Variants in ABCA9 observed in about 807,000 individuals in gnomAD.
ABCA9 encodes ATP-binding cassette sub-family A member 9.
ABCA9 carries 183 observed loss-of-function variants against 205.3 expected under a neutral mutation model. The ratio of observed to expected loss-of-function variants is 0.89; its 90% CI spans 0.79 to 1.01. ABCA9 has a LOEUF of 1.01. ABCA9 is among the 50% of genes least tolerant of loss of function. The pLI, the probability that ABCA9 is intolerant of heterozygous loss-of-function variation, is 0.00. For synonymous variants in ABCA9, 651 were observed against 683.3 expected, an observed-to-expected ratio of 0.95 and a Z score of 0.74; for missense variants, 1,805 against 1,912.4, an observed-to-expected ratio of 0.94 and a Z score of 1.05.
chr17:69,044,656 A>G, intron 4 of ABCA9, 56 bp from the exon 5 acceptor site: 1 of 1,521,916 alleles, frequency 6.6e-7, no homozygotes, highest in Non-Finnish European at 9.0e-7. Context: ...GGCTACAGAA[A>G]AAAACAAAAT....
Position 69,020,825 on chromosome 17 carries a change from T to G in ABCA9, c.2402-239A>C, listed in dbSNP as rs575551636. 405 of 423,088 alleles carry G rather than the reference T, an allele frequency of 9.6e-4. 3 individuals carry two copies. The highest frequency in any genetic ancestry group is 7.8e-3 in the African/African-American group (385 of 49,318). 26.2% of individuals were successfully genotyped at this position (423,088 alleles called of 1,614,324 possible). ...TTTTAAACGTCCTCTGTCTGCAGCT[T>G]TATAGGACTTTATTTATTCTAAGGA... On this transcript the variant is annotated intron_variant, in intron 18 of 38. Coordinates refer to ENST00000340001, the MANE Select transcript of ABCA9 (RefSeq NM_080283.4).
chr17:68,979,371 T>A (rs1231920822), intron 37 of ABCA9, among the ~76,000 whole-genome samples: 1 of 152,198 alleles, frequency 6.6e-6, no homozygotes, highest in Non-Finnish European at 1.5e-5. Flanking sequence ...AGGTAATTTA[T>A]AGATTCAATG....
chr17:69,068,900 G>A, the ABCA9 span, among the ~76,000 whole-genome samples: 1 of 152,156 alleles, frequency 6.6e-6, no homozygotes, highest in Non-Finnish European at 1.5e-5. Context: ...TGGGAGGAGA[G>A]AGCCATGATC....
chr17:69,033,852 C>T lies in ABCA9; in HGVS notation c.1150G>A (p.Val384Met). The T allele has an allele frequency of 1.2e-6, 2 of 1,602,200 alleles. No individual in the cohort carries two copies. Among genetic ancestry groups the T allele is most frequent in the Non-Finnish European group, 8.5e-7 (1 of 1,171,354 alleles). ...MAQLIHLDYD[V>M]NSNAHLDSSQ... Reference sequence around the variant, plus strand: ...GAATCCAAGTGGGCATTAGAATTCACATCATAGTCCAAATGTATAAGCTGA... The same window carrying T: ...GAATCCAAGTGGGCATTAGAATTCATATCATAGTCCAAATGTATAAGCTGA... Residue 384 changes from valine (V) to methionine (M), a missense_variant, in exon 9 of 39, where the codon GTG (valine) becomes ATG (methionine). Val to Met is a conservative substitution (Grantham distance 21, BLOSUM62 1). Transcript: ENST00000340001.
chr17:68,984,272 C>A lies in ABCA9; in HGVS notation c.4380-97G>T, dbSNP rs564948649. On this transcript the variant is annotated intron_variant, in intron 34 of 38. Transcript: ENST00000340001. ...TCCATCGACGCAAAGATGAAACATG[C>A]AGCGAATTCAGACTAGACAAAAAAG... The A allele has an allele frequency of 2.0e-5, 30 of 1,525,492 alleles. No individual in the cohort carries two copies. The East Asian group carries it at 6.5e-4, about 33-fold the overall frequency. The allele number at this position is 1,525,492 out of a possible 1,614,324, so 94.5% of individuals were successfully genotyped here.
chr17:69,072,661 C>T, the ABCA9 span, among the ~76,000 whole-genome samples: 1 of 151,658 alleles, frequency 6.6e-6, no homozygotes, highest in African/African-American at 2.4e-5. Context: ...AATGTAAAGA[C>T]CATCAACACT....
chr17:69,036,441 G>C (rs955844717), intron 6 of ABCA9, among the ~76,000 whole-genome samples: 2 of 152,026 alleles, frequency 1.3e-5, no homozygotes, highest in Non-Finnish European at 2.9e-5. Context: ...AGCTTCATAA[G>C]TGAAGGAGAA....
chr17:69,017,901 G>C (rs2070678999), intron 20 of ABCA9, 112 bp from the exon 21 acceptor site: 1 of 1,239,046 alleles, frequency 8.1e-7, no homozygotes, highest in East Asian at 2.4e-5. Flanking sequence ...ACTGTCTAAG[G>C]CTTTTCTTAA....
rs1351472500 is a variant in ABCA9, at chr17:68,975,250, T to G, written c.*665A>C. 2 of 152,326 alleles carry G rather than the reference T, an allele frequency of 1.3e-5. No homozygotes were observed. Among genetic ancestry groups the G allele is most frequent in the Non-Finnish European group, 2.9e-5 (2 of 68,140 alleles). The allele number at this position is 152,326 out of a possible 1,614,324, so 9.4% of individuals were successfully genotyped here. On this transcript the variant is annotated 3_prime_UTR_variant, in exon 39 of 39. Coordinates refer to ENST00000340001, the MANE Select transcript of ABCA9 (RefSeq NM_080283.4). Reference sequence around the variant, plus strand: ...TGTCACGTTTTCTTTATCCGGTCTATCATTTGTGGGTATTTTGGTTGGTTC... The same window carrying G: ...TGTCACGTTTTCTTTATCCGGTCTAGCATTTGTGGGTATTTTGGTTGGTTC...
Position 68,975,211 on chromosome 17 carries a change from C to G in ABCA9, c.*704G>C, listed in dbSNP as rs370008140. 2 of 152,270 alleles carry G rather than the reference C, an allele frequency of 1.3e-5. No individual in the cohort carries two copies. The highest frequency in any genetic ancestry group is 2.1e-4 in the South Asian group (1 of 4,830). The allele number at this position is 152,270 out of a possible 1,614,324, so 9.4% of individuals were successfully genotyped here. A position where few individuals can be genotyped will look rare whatever the true frequency, so the allele number is the denominator to read the frequency against. On this transcript the variant is annotated 3_prime_UTR_variant, in exon 39 of 39. Transcript: ENST00000340001. The stretch of plus-strand genomic sequence containing the variant: ...TCCTTTTCTATGGCTGCATAGTATT[C>G]CATGGTGTATATGTGTCACGTTTTC...
At chr17:69,068,215 A>G in the ABCA9 span, among the ~76,000 whole-genome samples, 2 of 152,204 alleles carry the variant, frequency 1.3e-5, no homozygotes, top group Non-Finnish European at 2.9e-5. Flanking sequence ...TTTCCAATAT[A>G]CAATCATTAT....
chr17:69,076,003 C>A, the ABCA9 span, among the ~76,000 whole-genome samples: 1 of 151,938 alleles, frequency 6.6e-6, no homozygotes, highest in Non-Finnish European at 1.5e-5. Context: ...TATTTGGATA[C>A]TTTCTATTTC....
upstream of ABCA9, among the ~76,000 whole-genome samples, chr17:69,065,866 A>G (rs1343326232): frequency 1.3e-5 from 2 of 152,090 alleles, no homozygotes; most frequent in East Asian, 3.9e-4. Flanking sequence ...TGTTCTTGTG[A>G]TAGAGAGTGA....
chr17:68,979,043 G>A (rs1332175782), intron 37 of ABCA9, among the ~76,000 whole-genome samples: 10 of 152,148 alleles, frequency 6.6e-5, no homozygotes, highest in South Asian at 2.1e-4. Context: ...AAACCCCATC[G>A]TCTCAGCCCA....
chr17:69,022,084 T>G (rs988426902), intron 17 of ABCA9: 3 of 254,176 alleles, frequency 1.2e-5, no homozygotes, highest in Admixed American at 5.4e-5. Context: ...CTTAGGAAAC[T>G]ACCTATGTGT....
chr17:69,048,648 T>G (rs934369952), intron 3 of ABCA9, among the ~76,000 whole-genome samples: 1 of 152,346 alleles, frequency 6.6e-6, no homozygotes, highest in East Asian at 1.9e-4. Flanking sequence ...TTTAACAGCT[T>G]CAATAGCATT....
intron 21 of ABCA9, among the ~76,000 whole-genome samples, chr17:69,016,906 G>T (rs2070639228): frequency 6.6e-6 from 1 of 151,986 alleles, no homozygotes; most frequent in Non-Finnish European, 1.5e-5. Context: ...AAAAATATAA[G>T]TAAATTCATT....
upstream of ABCA9, among the ~76,000 whole-genome samples, chr17:69,063,368 C>T (rs556569278): frequency 3.3e-5 from 5 of 152,290 alleles, no homozygotes; most frequent in African/African-American, 9.6e-5. Context: ...GGACTTGTCA[C>T]CCCAAGACCT....
Position 69,032,028 on chromosome 17 carries a change from T to C in ABCA9, c.1445+80A>G, listed in dbSNP as rs1010158202. On this transcript the variant is annotated intron_variant, in intron 10 of 38. Coordinates refer to ENST00000340001, the MANE Select transcript of ABCA9 (RefSeq NM_080283.4). Reference sequence around the variant, plus strand: ...GGTACAGAGGGCACAGAAGGCGATCTTTGCTCCTAGTGTGTCACCTGACAG... The same window carrying C: ...GGTACAGAGGGCACAGAAGGCGATCCTTGCTCCTAGTGTGTCACCTGACAG... The C allele has an allele frequency of 4.0e-5, 57 of 1,410,026 alleles. No homozygotes were observed. In the African/African-American group the frequency reaches 6.9e-4, roughly 17 times the overall value. 87.3% of individuals were successfully genotyped at this position (1,410,026 alleles called of 1,614,324 possible). A position where few individuals can be genotyped will look rare whatever the true frequency, so the allele number is the denominator to read the frequency against.
Sources: allele counts gnomAD v4.1 joint callset (sites outside exome capture counted in the v4.1 genomes callset), GRCh38; gene constraint gnomAD v4.1.1; transcripts MANE v1.5; gene names NCBI Gene and HGNC (gene_info 2026-07-23, HGNC 2026-07-21).